Variants in C18orf32 observed in about 807,000 individuals in gnomAD.
C18orf32 encodes the protein UPF0729 protein C18orf32.
C18orf32 carries 5 observed loss-of-function variants against 7.4 expected under a neutral mutation model. The ratio of observed to expected loss-of-function variants is 0.68; its 90% CI spans 0.35 to 1.42. The LOEUF (loss-of-function observed/expected upper bound fraction) is 1.42, where lower values mean the gene tolerates loss of function less well. C18orf32 is among the 40% of genes most tolerant of loss of function. The pLI is 0.04. For synonymous variants in C18orf32, 30 were observed against 29.3 expected (o/e 1.02, Z -0.08); for missense variants, 88 against 92.4 (o/e 0.95, Z 0.19).
In C18orf32 at chr18:49,477,287, G is replaced by T. The variant is rs1453186190; in HGVS notation, c.*5058C>A. 2 of 149,942 alleles carry T rather than the reference G, an allele frequency of 1.3e-5. No homozygotes were observed. Among genetic ancestry groups the T allele is most frequent in the African/African-American group, 5.1e-5 (2 of 39,374 alleles). 9.3% of individuals were successfully genotyped at this position (149,942 alleles called of 1,614,324 possible). A position where few individuals can be genotyped will look rare whatever the true frequency, so the allele number is the denominator to read the frequency against. On this transcript the variant is annotated 3_prime_UTR_variant, in exon 3 of 3. Transcript: ENST00000318240. ...TTTATTATTATTTATTTGAAACGGG[G>T]TATTGCTCTGTTGTCCTGGCTGGAG... is the stretch of plus-strand genomic sequence containing the variant.
At position 49,483,757 on chromosome 18, in the gene C18orf32, G is replaced by A. The variant is rs769307126; in HGVS notation, c.-9C>T. On this transcript the variant is annotated 5_prime_UTR_variant, in exon 2 of 3. Coordinates refer to ENST00000318240, the MANE Select transcript of C18orf32 (RefSeq NM_001035005.4). ...CAAGGAATGCACACCATTTTCCCAA[G>A]CTTGAGCTCCTCAACTGTTGATATA... The A allele has an allele frequency of 6.2e-7, 1 of 1,604,666 alleles. No individual in the cohort carries two copies. The highest frequency in any genetic ancestry group is 8.5e-7 in the Non-Finnish European group (1 of 1,178,014).
In C18orf32 at chr18:49,479,150, G is replaced by A. The variant is rs2083640687; in HGVS notation, c.*3195C>T. ...AGACCCGCAGCTCTCTGGAAAACAG[G>A]CTTAAATAAATTGGAATCATCCCGG... On this transcript the variant is annotated 3_prime_UTR_variant, in exon 3 of 3. Transcript: ENST00000318240. 6.6e-6 allele frequency: 1 copy of A among 152,134 alleles called. No homozygotes were observed. Among genetic ancestry groups the A allele is most frequent in the South Asian group, 2.1e-4 (1 of 4,830 alleles). 9.4% of individuals were successfully genotyped at this position (152,134 alleles called of 1,614,324 possible). A position where few individuals can be genotyped will look rare whatever the true frequency, so the allele number is the denominator to read the frequency against.
At position 49,487,096 on chromosome 18, in the gene C18orf32, GGGA is replaced by G. The variant is rs953175550; in HGVS notation, c.-80_-78del. 1 of 153,184 alleles carries G rather than the reference GGGA, an allele frequency of 6.5e-6. No individual in the cohort carries two copies. Among genetic ancestry groups the G allele is most frequent in the Admixed American group, 6.5e-5 (1 of 15,302 alleles). The allele number at this position is 153,184 out of a possible 1,614,324, so 9.5% of individuals were successfully genotyped here. On this transcript the variant is annotated 5_prime_UTR_variant, in exon 1 of 3. Transcript: ENST00000318240. ...GCCGGCGGGCCGCGACCGCCGAGGA[GGGA>G]GGAGGCAGGAGGCCGCGCACCGCCT...
rs2083641038 is a variant in C18orf32 at position 49,479,199 on chromosome 18, A to G, written c.*3146T>C. ...GGGGACACTTTCCAAAATTATCCAT[A>G]CTCAACCTCCTAAAAGTATTGAATT... is the stretch of plus-strand genomic sequence containing the variant. On this transcript the variant is annotated 3_prime_UTR_variant, in exon 3 of 3. Coordinates refer to ENST00000318240, the MANE Select transcript of C18orf32 (RefSeq NM_001035005.4). 1 of 152,186 alleles carries G rather than the reference A, an allele frequency of 6.6e-6. No individual in the cohort carries two copies. The highest frequency in any genetic ancestry group is 2.1e-4 in the South Asian group (1 of 4,836). 9.4% of individuals were successfully genotyped at this position (152,186 alleles called of 1,614,324 possible). A position where few individuals can be genotyped will look rare whatever the true frequency, so the allele number is the denominator to read the frequency against.
chr18:49,484,663 T>G (rs1441214082), intron 1 of C18orf32: 1 of 152,228 alleles, frequency 6.6e-6, no homozygotes, highest in African/African-American at 2.4e-5. Context: ...CACTGCTCCT[T>G]AATCATGAAT....
intron 1 of C18orf32, among the ~76,000 whole-genome samples, chr18:49,484,218 C>G (rs2083709079): frequency 7.1e-6 from 1 of 141,004 alleles, no homozygotes; most frequent in Non-Finnish European, 1.5e-5. Context: ...ACTATTTCTA[C>G]AGTGTAGGAA....
chr18:49,477,468 T>C lies in C18orf32; in HGVS notation c.*4877A>G, dbSNP rs374031107. The C allele has an allele frequency of 1.2e-3, 184 of 150,356 alleles. 18 individuals carry two copies. The highest frequency in any genetic ancestry group is 4.5e-3 in the African/African-American group (179 of 39,674). 9.3% of individuals were successfully genotyped at this position (150,356 alleles called of 1,614,324 possible). A position where few individuals can be genotyped will look rare whatever the true frequency, so the allele number is the denominator to read the frequency against. On this transcript the variant is annotated 3_prime_UTR_variant, in exon 3 of 3. Transcript: ENST00000318240. ...TGCCTAATTATTCCCAATAAGGTAT[T>C]ACTAACAATTAAGATATTAGTAGCT...
At chr18:49,482,520 A>T in intron 2 of C18orf32, 110 bp from the exon 3 acceptor site, 1 of 700,278 alleles carries the variant, frequency 1.4e-6, no homozygotes, top group Non-Finnish European at 2.5e-6. Context: ...CGAGGTCAGA[A>T]GATCGAGACC....
rs1421834791 is a variant in C18orf32, at chr18:49,487,090, CGAGGAGG to C, written c.-78_-72del. ...GCGGAGGCCGGCGGGCCGCGACCGCCGAGGAGGGAGGAGGCAGGAGGCCGCGCACCGC... is the reference window on the plus strand; with the variant it reads ...GCGGAGGCCGGCGGGCCGCGACCGCCGAGGAGGCAGGAGGCCGCGCACCGC... On this transcript the variant is annotated 5_prime_UTR_variant, in exon 1 of 3. Coordinates refer to ENST00000318240, the MANE Select transcript of C18orf32 (RefSeq NM_001035005.4). 2 of 153,130 alleles carry C rather than the reference CGAGGAGG, an allele frequency of 1.3e-5. No individual in the cohort carries two copies. The highest frequency in any genetic ancestry group is 2.4e-5 in the African/African-American group (1 of 41,450). 9.5% of individuals were successfully genotyped at this position (153,130 alleles called of 1,614,324 possible). A position where few individuals can be genotyped will look rare whatever the true frequency, so the allele number is the denominator to read the frequency against.
Position 49,482,361 on chromosome 18 carries a change from TCA to T in C18orf32, c.213_214del (p.Cys71Ter), listed in dbSNP as rs1334582597. On this transcript the variant is annotated stop_gained and frameshift_variant, in exon 3 of 3. Transcript: ENST00000318240. LOFTEE classifies it high-confidence loss of function. Reference sequence around the variant, plus strand: ...AAAATTTCTTTAGTCTTTCTTTTTATCACAGATTTCTGTTGGTCCTTTTGTTG... The same window carrying T: ...AAAATTTCTTTAGTCTTTCTTTTTATCAGATTTCTGTTGGTCCTTTTGTTG... 6.2e-7 allele frequency: 1 copy of T among 1,612,684 alleles called. No homozygotes were observed. Among genetic ancestry groups the T allele is most frequent in the South Asian group, 1.1e-5 (1 of 90,870 alleles).
In C18orf32 at chr18:49,477,835, A is replaced by AC. The variant is rs34297458; in HGVS notation, c.*4509_*4510insG. ...ATACACACACTATATATATATACAC[A>AC]TATATATATATACACACACTATATA... On this transcript the variant is annotated 3_prime_UTR_variant, in exon 3 of 3. Coordinates refer to ENST00000318240, the MANE Select transcript of C18orf32 (RefSeq NM_001035005.4). 0.62 allele frequency: 87,016 copies of AC among 141,456 alleles called. 27,671 individuals carry two copies. The highest frequency in any genetic ancestry group is 0.79 in the East Asian group (3,983 of 5,048). The allele number at this position is 141,456 out of a possible 1,614,324, so 8.8% of individuals were successfully genotyped here.
rs80201970 is a variant in C18orf32 at position 49,483,728 on chromosome 18, G to A, written c.21C>T (p.Ile7=). The stretch of plus-strand genomic sequence containing the variant: ...AGATCCAGAGCAGAACTGGAATGAC[G>A]ATACAAGGAATGCACACCATTTTCC... MVCIPC[I]VIPVLLWIYK... Residue 7 remains isoleucine (I), a synonymous_variant, in exon 2 of 3, where the codon ATC becomes ATT. Transcript: ENST00000318240. The A allele has an allele frequency of 2.1e-3, 3,325 of 1,610,980 alleles. 57 individuals are homozygous for A. The African/African-American group carries it at 0.039, about 19-fold the overall frequency.
In C18orf32 at chr18:49,478,486, A is replaced by C. The variant is rs1317785950; in HGVS notation, c.*3859T>G. 3 of 148,546 alleles carry C rather than the reference A, an allele frequency of 2.0e-5. No individual in the cohort carries two copies. Among genetic ancestry groups the C allele is most frequent in the East Asian group, 2.0e-4 (1 of 5,062 alleles). 9.2% of individuals were successfully genotyped at this position (148,546 alleles called of 1,614,324 possible). A position where few individuals can be genotyped will look rare whatever the true frequency, so the allele number is the denominator to read the frequency against. ...ACCATGTTGGCCAGGCTGGTCTTGA[A>C]CTCCCGGCCTCAAGTGATCCTCCCA... On this transcript the variant is annotated 3_prime_UTR_variant, in exon 3 of 3. Coordinates refer to ENST00000318240, the MANE Select transcript of C18orf32 (RefSeq NM_001035005.4).
rs1484343023 is a variant in C18orf32, at chr18:49,479,706, G to C, written c.*2639C>G. ...GCCTGAGGTGACCTTGCAGAGAGAG[G>C]GCCAAGGGAATAAACACTCTGCCTT... is the stretch of plus-strand genomic sequence containing the variant. On this transcript the variant is annotated 3_prime_UTR_variant, in exon 3 of 3. Transcript: ENST00000318240. The C allele has an allele frequency of 6.6e-6, 1 of 152,254 alleles. No individual in the cohort carries two copies. The highest frequency in any genetic ancestry group is 1.5e-5 in the Non-Finnish European group (1 of 68,124). 9.4% of individuals were successfully genotyped at this position (152,254 alleles called of 1,614,324 possible). A position where few individuals can be genotyped will look rare whatever the true frequency, so the allele number is the denominator to read the frequency against.
rs1257436088 is a variant in C18orf32, at chr18:49,478,455, G to C, written c.*3890C>G. The C allele has an allele frequency of 6.7e-6, 1 of 149,986 alleles. No individual in the cohort carries two copies. The highest frequency in any genetic ancestry group is 1.5e-5 in the Non-Finnish European group (1 of 68,094). 9.3% of individuals were successfully genotyped at this position (149,986 alleles called of 1,614,324 possible). A position where few individuals can be genotyped will look rare whatever the true frequency, so the allele number is the denominator to read the frequency against. On this transcript the variant is annotated 3_prime_UTR_variant, in exon 3 of 3. Coordinates refer to ENST00000318240, the MANE Select transcript of C18orf32 (RefSeq NM_001035005.4). ...ATTTTTGTATTTTTAGTAGAGACAG[G>C]GTTTCACCATGTTGGCCAGGCTGGT...
Position 49,480,533 on chromosome 18 carries a change from A to G in C18orf32, c.*1812T>C, listed in dbSNP as rs1431768507. 1 of 151,476 alleles carries G rather than the reference A, an allele frequency of 6.6e-6. No homozygotes were observed. The highest frequency in any genetic ancestry group is 2.4e-5 in the African/African-American group (1 of 41,142). The allele number at this position is 151,476 out of a possible 1,614,324, so 9.4% of individuals were successfully genotyped here. A position where few individuals can be genotyped will look rare whatever the true frequency, so the allele number is the denominator to read the frequency against. On this transcript the variant is annotated 3_prime_UTR_variant, in exon 3 of 3. Transcript: ENST00000318240. ...GTAATCCCAGCACTTTGGGAAGCCA[A>G]AGTGGAGGATCGCTTGAGCCCAGGA...
At chr18:49,483,445 T>A in intron 2 of C18orf32, 139 bp downstream of exon 2, 2 of 1,158,416 alleles carry the variant, frequency 1.7e-6, no homozygotes, top group Non-Finnish European at 2.4e-6. Context: ...GAGGCCTACT[T>A]TAAAACTTTA....
At chr18:49,486,422 T>C (rs1351173994) in intron 1 of C18orf32, 2 of 152,178 alleles carry the variant, frequency 1.3e-5, no homozygotes, top group African/African-American at 2.4e-5. Context: ...CAAATACTAC[T>C]AATCACTTAC....
At chr18:49,486,332 T>A (rs1438009580) in intron 1 of C18orf32, 1 of 152,148 alleles carries the variant, frequency 6.6e-6, no homozygotes, top group African/African-American at 2.4e-5. Context: ...AGGCCCTCCA[T>A]CATAAAGATT....
Sources: gnomAD v4.1 joint callset for allele counts (sites outside exome capture counted in the v4.1 genomes callset) on GRCh38, gnomAD v4.1.1 for gene constraint, MANE v1.5 for transcripts, NCBI Gene and HGNC (gene_info 2026-07-23, HGNC 2026-07-21) for gene names.